OSBPL10: variants seen among roughly 807,000 people sequenced by gnomAD.
OSBPL10 encodes oxysterol-binding protein-related protein 10.
A neutral mutation model predicts 81.7 loss-of-function variants in OSBPL10; 49 were observed. The observed-to-expected ratio is 0.60, with a 90% CI of 0.48 to 0.76. The LOEUF is 0.76. Ranked by LOEUF, OSBPL10 falls within the 30% of genes least tolerant of loss-of-function variation. OSBPL10 has a pLI of 0.00. For missense variants in OSBPL10, 923 were observed against 987.8 expected (o/e 0.93, Z 0.88); for synonymous variants, 419 against 383.6 (o/e 1.09, Z -1.08).
intron 6 of OSBPL10, among the ~76,000 whole-genome samples, chr3:31,712,332 C>T (rs1309728600): frequency 2.6e-5 from 4 of 152,190 alleles, no homozygotes; most frequent in Non-Finnish European, 4.4e-5. Context: ...CTGAGCTGCC[C>T]ACATCCTAAT....
Position 32,065,728 on chromosome 3 carries a change from A to G in OSBPL10, n.185+11668T>C, listed in dbSNP as rs947270724. The stretch of plus-strand genomic sequence containing the variant: ...GAAACTCCATCTCTACAAAAAATAC[A>G]AAAATCAGCCAGGCATGGTGGCATC... On this transcript the variant is annotated intron_variant and non_coding_transcript_variant, in intron 1 of 3. Coordinates refer to the OSBPL10 transcript ENST00000479173. 5.6e-5 allele frequency among the ~76,000 whole-genome samples: 5 copies of G among 89,054 alleles called. 1 individual carries two copies. The highest frequency in any genetic ancestry group is 1.4e-4 in the African/African-American group (5 of 34,628). 58.4% of individuals were successfully genotyped at this position (89,054 alleles called of 152,430 possible). A position where few individuals can be genotyped will look rare whatever the true frequency, so the allele number is the denominator to read the frequency against.
intron 1 of OSBPL10, among the ~76,000 whole-genome samples, chr3:31,919,931 T>G (rs562921769): frequency 9.0e-4 from 137 of 152,352 alleles, no homozygotes; most frequent in African/African-American, 3.2e-3. Context: ...GATAATGCAT[T>G]TTAGCTTTCA....
At chr3:31,834,036 A>G (rs1245150374) in intron 3 of OSBPL10, among the ~76,000 whole-genome samples, 12 of 152,186 alleles carry the variant, frequency 7.9e-5, no homozygotes, top group Non-Finnish European at 1.6e-4. Flanking sequence ...GATAAACATG[A>G]GCAAAAAAGT....
intron 4 of OSBPL10, among the ~76,000 whole-genome samples, chr3:31,820,957 G>C (rs957561667): frequency 6.6e-6 from 1 of 152,086 alleles, no homozygotes; most frequent in Non-Finnish European, 1.5e-5. Flanking sequence ...GAATAAACAG[G>C]TTAAACCAAA....
At chr3:31,710,123 G>A (rs945859685) in intron 6 of OSBPL10, among the ~76,000 whole-genome samples, 2 of 152,178 alleles carry the variant, frequency 1.3e-5, no homozygotes, top group African/African-American at 4.8e-5. Flanking sequence ...TCTGGCTGCA[G>A]ATAGTCCTGG....
intron 2 of OSBPL10, chr3:31,991,379 A>G (rs1699027427): frequency 5.6e-6 from 1 of 177,620 alleles, no homozygotes; most frequent in African/African-American, 2.4e-5. Flanking sequence ...AATCTTTCCA[A>G]TCCATCAATA....
intron 2 of OSBPL10, among the ~76,000 whole-genome samples, chr3:32,010,455 G>A (rs943820623): frequency 1.3e-5 from 2 of 152,140 alleles, no homozygotes; most frequent in Non-Finnish European, 2.9e-5. Flanking sequence ...AAGTTAAAAG[G>A]GGGGGCAGTT....
chr3:31,801,863 C>T (rs1429329778), intron 4 of OSBPL10, among the ~76,000 whole-genome samples: 1 of 151,602 alleles, frequency 6.6e-6, no homozygotes, highest in Non-Finnish European at 1.5e-5. Flanking sequence ...GCTCTTGTTG[C>T]CCAGGCTGAA....
At chr3:31,665,907 C>T (rs115801584) in intron 10 of OSBPL10, among the ~76,000 whole-genome samples, 7,246 of 152,164 alleles carry the variant, frequency 0.048, 573 homozygotes, top group African/African-American at 0.16. Flanking sequence ...GAGGGCAGAG[C>T]GCCCAAAACC....
At position 31,834,107 on chromosome 3, in the gene OSBPL10, C is replaced by A. The variant is rs180928311; in HGVS notation, c.538-3876G>T. Among the ~76,000 whole-genome samples, 283 of 152,286 alleles carry A rather than the reference C, an allele frequency of 1.9e-3. 1 individual carries two copies. Among genetic ancestry groups the A allele is most frequent in the African/African-American group, 6.5e-3 (271 of 41,556 alleles). Reference sequence around the variant, plus strand: ...TACAAGAACAAGTGAGAAAAGGCAGCAAATTGCAAGCACTATAAATGAGCA... The same window carrying A: ...TACAAGAACAAGTGAGAAAAGGCAGAAAATTGCAAGCACTATAAATGAGCA... On this transcript the variant is annotated intron_variant, in intron 3 of 11. Coordinates refer to ENST00000396556, the MANE Select transcript of OSBPL10 (RefSeq NM_017784.5).
At chr3:31,865,349 T>C (rs1701151946) in intron 3 of OSBPL10, among the ~76,000 whole-genome samples, 1 of 152,236 alleles carries the variant, frequency 6.6e-6, no homozygotes, top group African/African-American at 2.4e-5. Context: ...TTTTAAATCT[T>C]ATTTCAATGA....
At chr3:31,731,101 G>GT (rs149758043) in intron 6 of OSBPL10, among the ~76,000 whole-genome samples, 2,578 of 152,152 alleles carry the variant, frequency 0.017, 62 homozygotes, top group African/African-American at 0.058. Flanking sequence ...GATGTCGCTA[G>GT]TTTTTTTAAC....
At chr3:32,013,671 A>C (rs1263786503) in intron 2 of OSBPL10, among the ~76,000 whole-genome samples, 1 of 152,186 alleles carries the variant, frequency 6.6e-6, no homozygotes, top group Non-Finnish European at 1.5e-5. Flanking sequence ...TTTTTTGAAA[A>C]GATCAACAAA....
At chr3:31,916,964 C>G (rs182700597) in intron 1 of OSBPL10, among the ~76,000 whole-genome samples, 1 of 152,154 alleles carries the variant, frequency 6.6e-6, no homozygotes, top group East Asian at 1.9e-4. Context: ...CTCTTTTGTT[C>G]TAATATTTAG....
At chr3:31,793,919 A>C (rs971915126) in intron 4 of OSBPL10, among the ~76,000 whole-genome samples, 2 of 152,234 alleles carry the variant, frequency 1.3e-5, no homozygotes, top group African/African-American at 4.8e-5. Context: ...ACAACTCTTC[A>C]CATGTCATTG....
intron 3 of OSBPL10, among the ~76,000 whole-genome samples, chr3:31,862,813 T>C (rs1701092314): frequency 1.3e-5 from 2 of 152,204 alleles, no homozygotes; most frequent in Non-Finnish European, 2.9e-5. Context: ...TATACATTGC[T>C]GATAGGGATG....
chr3:32,071,147 C>A (rs991924106), intron 1 of OSBPL10, among the ~76,000 whole-genome samples: 5 of 152,212 alleles, frequency 3.3e-5, no homozygotes, highest in African/African-American at 1.2e-4. Context: ...CTCCAAAGCT[C>A]AAATTTCTTC....
At chr3:31,989,550 A>C in intron 2 of OSBPL10, 1 of 1,614,202 alleles carries the variant, frequency 6.2e-7, no homozygotes, top group Non-Finnish European at 8.5e-7. Flanking sequence ...AGCTTGGATT[A>C]AGCTTTCATT....
intron 8 of OSBPL10, among the ~76,000 whole-genome samples, chr3:31,681,345 G>T (rs1365583476): frequency 1.3e-5 from 2 of 152,202 alleles, no homozygotes; most frequent in African/African-American, 4.8e-5. Flanking sequence ...GCGCTTTGGG[G>T]TGTAAACCTA....
Sources: allele counts gnomAD v4.1 joint callset (sites outside exome capture counted in the v4.1 genomes callset), GRCh38; gene constraint gnomAD v4.1.1; transcripts MANE v1.5; gene names NCBI Gene and HGNC (gene_info 2026-07-23, HGNC 2026-07-21).